Variants in GNA12 observed in about 807,000 individuals in gnomAD.
GNA12 encodes G protein subunit alpha 12.
GNA12 carries 9 observed loss-of-function variants against 26.0 expected under a neutral mutation model. The observed-to-expected ratio is 0.35, with a 90% confidence interval of 0.21 to 0.60. GNA12 has a LOEUF of 0.60. Ranked by LOEUF, GNA12 falls within the 20% of genes least tolerant of loss-of-function variation. The probability of loss-of-function intolerance (pLI) is 0.78; values close to 1 mark genes in which losing one functional copy is unlikely to be tolerated. For missense variants in GNA12, 405 were observed against 525.8 expected (o/e 0.77, Z 2.25); for synonymous variants, 264 against 219.6 (o/e 1.20, Z -1.79).
In GNA12 at chr7:2,837,859, T is replaced by C. The variant is rs117114491; in HGVS notation, c.309+5994A>G. ...AGGTAATAAAAAAAAAAGGGACAAT[T>C]TTATTCAGTCAAAAGGGGGGAAAAG... is the stretch of plus-strand genomic sequence containing the variant. On this transcript the variant is annotated intron_variant, in intron 1 of 3. Coordinates refer to ENST00000275364, the MANE Select transcript of GNA12 (RefSeq NM_007353.3). Among the ~76,000 whole-genome samples the C allele has an allele frequency of 8.0e-3, 1,212 of 152,164 alleles. 13 individuals carry two copies. In the Middle Eastern group the frequency reaches 0.082, roughly 10 times the overall value.
intron 1 of GNA12, among the ~76,000 whole-genome samples, chr7:2,803,141 C>T (rs777749544): frequency 7.2e-5 from 11 of 152,158 alleles, no homozygotes; most frequent in Non-Finnish European, 1.0e-4. Context: ...TATGGGAGAA[C>T]TTTCAAAACA....
intron 2 of GNA12, among the ~76,000 whole-genome samples, chr7:2,783,795 T>C (rs1344257210): frequency 4.6e-5 from 7 of 151,878 alleles, no homozygotes; most frequent in African/African-American, 1.7e-4. Flanking sequence ...AGCGATTCTC[T>C]TGCCTCAGCC....
At chr7:2,779,804 G>C (rs1792175456) in intron 2 of GNA12, among the ~76,000 whole-genome samples, 2 of 151,616 alleles carry the variant, frequency 1.3e-5, no homozygotes, top group African/African-American at 4.9e-5. Context: ...TGCTGTGTTG[G>C]CCAGGCTAGT....
At chr7:2,779,639 C>A (rs1792171295) in intron 2 of GNA12, among the ~76,000 whole-genome samples, 1 of 152,062 alleles carries the variant, frequency 6.6e-6, no homozygotes, top group Admixed American at 6.5e-5. Flanking sequence ...TGCTCTGTCA[C>A]CCAGGTTGGA....
intron 2 of GNA12, among the ~76,000 whole-genome samples, chr7:2,759,240 A>G (rs893639025): frequency 6.6e-6 from 1 of 152,190 alleles, no homozygotes. Context: ...CGCTGAAGAA[A>G]TAAGTCATAA....
rs1178909105 is a variant in GNA12 at position 2,731,418 on chromosome 7, C to T, written c.909G>A (p.Glu303=). The T allele has an allele frequency of 6.2e-7, 1 of 1,613,352 alleles. No homozygotes were observed. Among genetic ancestry groups the T allele is most frequent in the Non-Finnish European group, 8.5e-7 (1 of 1,179,444 alleles). ...TCTTGATGCTCACGGTCTTCACCTT[C>T]TCCACCAGGAGGTCCATCTTGTTGA... ...LFLNKMDLLV[E]KVKTVSIKKH... The change falls in exon 4 of 4, where the codon GAG becomes GAA. Residue 303 remains glutamate (E), a synonymous_variant. Transcript: ENST00000275364. This position sits in a 1 kb window ranked among gnomAD's most constrained non-coding sequence, Gnocchi z 6.0.
rs185817158 is a variant in GNA12, at chr7:2,791,495, T to C, written c.525+3433A>G. 4.1e-3 allele frequency among the ~76,000 whole-genome samples: 617 copies of C among 152,340 alleles called. 4 individuals are homozygous for C. The highest frequency in any genetic ancestry group is 0.014 in the African/African-American group (594 of 41,562). ...ACACAGCCTTTTTTCCTCCTCTTTT[T>C]GTTTCTATCTCTGACTGGAATGGCA... On this transcript the variant is annotated intron_variant, in intron 2 of 3. Transcript: ENST00000275364.
intron 1 of GNA12, chr7:2,815,114 T>A (rs1793186888): frequency 1.0e-6 from 1 of 953,850 alleles, no homozygotes. Context: ...CTTGCCCGCA[T>A]GAGGCTTCCA....
At chr7:2,774,462 C>T (rs1267141897) in intron 2 of GNA12, among the ~76,000 whole-genome samples, 2 of 152,124 alleles carry the variant, frequency 1.3e-5, no homozygotes, top group African/African-American at 4.8e-5. Context: ...GAAGGAACAG[C>T]AAGCACAAGG....
In GNA12 at chr7:2,762,633, A is replaced by T. The variant is rs1357099510; in HGVS notation, c.526-29132T>A. ...CCCTTCCGGATAAGACCCCAATGCC[A>T]TGAAGCACAGAGCGGCAGGACGATG... On this transcript the variant is annotated intron_variant, in intron 2 of 3. Coordinates refer to ENST00000275364, the MANE Select transcript of GNA12 (RefSeq NM_007353.3). The T allele has an allele frequency of 3.1e-6, 5 of 1,587,872 alleles. No homozygotes were observed. In the African/African-American group the frequency reaches 4.0e-5, roughly 13 times the overall value.
chr7:2,734,119 C>T (rs946410216), intron 2 of GNA12, among the ~76,000 whole-genome samples: 1 of 152,178 alleles, frequency 6.6e-6, no homozygotes, highest in Non-Finnish European at 1.5e-5. Flanking sequence ...GACCAATCAT[C>T]GATACAATCT....
At chr7:2,742,674 A>G (rs1333019916) in intron 2 of GNA12, among the ~76,000 whole-genome samples, 1 of 152,116 alleles carries the variant, frequency 6.6e-6, no homozygotes, top group African/African-American at 2.4e-5. Context: ...ACACCTGCAG[A>G]GTTTTGATTT....
chr7:2,812,972 C>G (rs1416934769), intron 1 of GNA12, among the ~76,000 whole-genome samples: 1 of 152,212 alleles, frequency 6.6e-6, no homozygotes, highest in Non-Finnish European at 1.5e-5. Context: ...GAGACAGAGT[C>G]TCGCTCTGTC....
chr7:2,789,809 C>T (rs1458118879), intron 2 of GNA12, among the ~76,000 whole-genome samples: 1 of 152,180 alleles, frequency 6.6e-6, no homozygotes, highest in Non-Finnish European at 1.5e-5. Flanking sequence ...ATTCTGCTGC[C>T]ATCATTTTGC....
rs765598901 is a variant in GNA12, at chr7:2,731,383, G to C, written c.944C>G (p.Pro315Arg). 1.2e-6 allele frequency: 2 copies of C among 1,613,584 alleles called. No individual in the cohort carries two copies. The highest frequency in any genetic ancestry group is 8.5e-7 in the Non-Finnish European group (1 of 1,179,626). Residue 315 changes from proline (P) to arginine (R), a missense_variant, in exon 4 of 4, where the codon CCG becomes CGG. By Grantham distance (103) the Pro-to-Arg change is moderately radical (BLOSUM62 -2). Transcript: ENST00000275364. The surrounding 1 kb of genome is among the most constrained non-coding windows in gnomAD (Gnocchi z 6.0). ...VKTVSIKKHF[P>R]DFRGDPHRLE... ...CCTGTGCGGGTCGCCCCTGAAGTCC[G>C]GGAAGTGCTTCTTGATGCTCACGGT...
intron 2 of GNA12, among the ~76,000 whole-genome samples, chr7:2,775,922 G>A (rs1003804325): frequency 2.6e-5 from 4 of 152,226 alleles, no homozygotes; most frequent in African/African-American, 9.7e-5. Flanking sequence ...GTACAGCTAG[G>A]CTTAATGCAG....
At chr7:2,777,160 G>A (rs1484309305) in intron 2 of GNA12, among the ~76,000 whole-genome samples, 1 of 152,192 alleles carries the variant, frequency 6.6e-6, no homozygotes, top group East Asian at 1.9e-4. Flanking sequence ...ATTGCTGCCT[G>A]CAATCCAGAC....
chr7:2,745,493 C>T (rs904667394), intron 2 of GNA12, among the ~76,000 whole-genome samples: 4 of 152,186 alleles, frequency 2.6e-5, no homozygotes, highest in Non-Finnish European at 4.4e-5. Flanking sequence ...ACCACCAGGC[C>T]TGCCCTAAAA....
intron 2 of GNA12, among the ~76,000 whole-genome samples, chr7:2,743,186 A>G (rs1486235392): frequency 1.3e-5 from 2 of 152,184 alleles, no homozygotes; most frequent in Non-Finnish European, 2.9e-5. Flanking sequence ...AACCGTATAT[A>G]TGGGGGCAAA....
Sources: allele counts gnomAD v4.1 joint callset (sites outside exome capture counted in the v4.1 genomes callset), GRCh38; gene constraint gnomAD v4.1.1; non-coding constraint Gnocchi (gnomAD v3.1); transcripts MANE v1.5; gene names NCBI Gene and HGNC (gene_info 2026-07-23, HGNC 2026-07-21).